The following ITGB6 variants were observed in gnomAD, a reference collection of about 807,000 sequenced individuals.
ITGB6 encodes integrin beta-6.
ITGB6 carries 80 observed loss-of-function variants against 84.5 expected under a neutral mutation model. The ratio of observed to expected loss-of-function variants is 0.95; its 90% CI spans 0.79 to 1.14. The LOEUF (loss-of-function observed/expected upper bound fraction) is 1.14. Among genes scored for constraint, ITGB6 ranks in the 50% most tolerant of loss-of-function variants. ITGB6 has a pLI of 0.00. For synonymous variants in ITGB6, 383 were observed against 354.9 expected (o/e 1.08, Z -0.89); for missense variants, 1,006 against 968.0 (o/e 1.04, Z -0.52).
chr2:160,135,101 G>T (rs1185202528), intron 10 of ITGB6, among the ~76,000 whole-genome samples: 3 of 151,716 alleles, frequency 2.0e-5, no homozygotes, highest in African/African-American at 7.3e-5. Flanking sequence ...ATTAGGAAAA[G>T]AGGAAGTCAA....
chr2:160,184,964 T>C (rs1293760532), intron 4 of ITGB6, among the ~76,000 whole-genome samples: 2 of 152,184 alleles, frequency 1.3e-5, no homozygotes, highest in African/African-American at 4.8e-5. Context: ...AAACTAGGTA[T>C]TGATGGAACG....
intron 7 of ITGB6, 139 bp downstream of exon 7, chr2:160,169,073 T>C (rs751831568): frequency 8.6e-5 from 48 of 557,408 alleles, no homozygotes; most frequent in Non-Finnish European, 1.5e-4. Flanking sequence ...ATGAGTCCAC[T>C]TAGCCAAGCG....
intron 13 of ITGB6, among the ~76,000 whole-genome samples, chr2:160,109,525 G>A (rs1697040398): frequency 6.6e-6 from 1 of 152,210 alleles, no homozygotes; most frequent in Admixed American, 6.5e-5. Context: ...AATGGGTGCG[G>A]TCTGGCAGAG....
chr2:160,131,360 G>C (rs574663035), intron 10 of ITGB6, among the ~76,000 whole-genome samples: 1 of 152,182 alleles, frequency 6.6e-6, no homozygotes, highest in Non-Finnish European at 1.5e-5. Flanking sequence ...GAAAGAAGCT[G>C]TATGAAAAAG....
intron 6 of ITGB6, among the ~76,000 whole-genome samples, chr2:160,171,325 ATTTATTTT>A (rs1685190660): frequency 1.6e-5 from 2 of 126,004 alleles, no homozygotes; most frequent in East Asian, 2.0e-4. Context: ...CAGAAATCAA[ATTTATTTT>A]TTTATTTTTT....
chr2:160,118,941 A>G (rs1421173266), intron 12 of ITGB6, among the ~76,000 whole-genome samples: 3 of 152,208 alleles, frequency 2.0e-5, no homozygotes, highest in Non-Finnish European at 4.4e-5. Flanking sequence ...TAAAATACCT[A>G]GGAATCCAAC....
At chr2:160,155,098 A>G (rs1684574149) in intron 7 of ITGB6, among the ~76,000 whole-genome samples, 1 of 152,166 alleles carries the variant, frequency 6.6e-6, no homozygotes, top group African/African-American at 2.4e-5. Flanking sequence ...AAGTTTCTCA[A>G]GGCCTCCACA....
chr2:160,176,441 T>A (rs1685423961), intron 4 of ITGB6, among the ~76,000 whole-genome samples: 1 of 152,230 alleles, frequency 6.6e-6, no homozygotes, highest in Non-Finnish European at 1.5e-5. Flanking sequence ...AGGTAATTTT[T>A]AAATTTCCTT....
At chr2:160,150,292 G>A (rs574730951) in intron 7 of ITGB6, among the ~76,000 whole-genome samples, 27 of 152,214 alleles carry the variant, frequency 1.8e-4, no homozygotes, top group African/African-American at 6.3e-4. Context: ...AAGAGAGTGG[G>A]GGCCAATATT....
intron 4 of ITGB6, among the ~76,000 whole-genome samples, chr2:160,190,132 C>G (rs1490661406): frequency 6.9e-6 from 1 of 145,486 alleles, no homozygotes; most frequent in Non-Finnish European, 1.5e-5. Context: ...CATGTTCTCA[C>G]TCATGGATGG....
intron 7 of ITGB6, among the ~76,000 whole-genome samples, chr2:160,154,781 G>C (rs1044399596): frequency 2.0e-5 from 3 of 152,148 alleles, no homozygotes; most frequent in Non-Finnish European, 2.9e-5. Flanking sequence ...CAAGCTATGA[G>C]AAGACGGAGA....
chr2:160,137,381 C>T (rs1683782012), intron 10 of ITGB6, 53 bp downstream of exon 10: 1 of 1,534,962 alleles, frequency 6.5e-7, no homozygotes, highest in South Asian at 1.2e-5. Flanking sequence ...ATGCCAAGCC[C>T]CTTGCTGATA....
rs142029705 is a variant in ITGB6 at position 160,112,518 on chromosome 2, A to G, written c.1982-319T>C. ...CTGCCTTGGGAATAGAATGGCCCTG[A>G]TTATGGTAATGAGGGGGCTATAGGT... On this transcript the variant is annotated intron_variant, in intron 12 of 14. Coordinates refer to ENST00000283249, the MANE Select transcript of ITGB6 (RefSeq NM_000888.5). 8.5e-5 allele frequency among the ~76,000 whole-genome samples: 13 copies of G among 152,254 alleles called. No homozygotes were observed. In the East Asian group the frequency reaches 1.7e-3, roughly 20 times the overall value.
chr2:160,120,826 C>G (rs796546025), intron 12 of ITGB6, among the ~76,000 whole-genome samples: 1 of 148,240 alleles, frequency 6.7e-6, no homozygotes, highest in Non-Finnish European at 1.5e-5. Context: ...AAACCAAACA[C>G]CACATGTTCT....
chr2:160,168,927 G>A (rs560086159), intron 7 of ITGB6, among the ~76,000 whole-genome samples: 1 of 152,100 alleles, frequency 6.6e-6, no homozygotes, highest in Admixed American at 6.6e-5. Context: ...CTTTTAGGTA[G>A]GCTGTCCTAT....
intron 14 of ITGB6, among the ~76,000 whole-genome samples, chr2:160,106,589 C>T (rs534910487): frequency 1.5e-4 from 23 of 152,258 alleles, no homozygotes; most frequent in African/African-American, 2.2e-4. Flanking sequence ...GTTCAAATCA[C>T]GATCCAAACA....
At chr2:160,180,648 T>C (rs944269921) in intron 4 of ITGB6, among the ~76,000 whole-genome samples, 2 of 152,244 alleles carry the variant, frequency 1.3e-5, no homozygotes, top group Admixed American at 1.3e-4. Context: ...CCTTCTTCAC[T>C]GTGTTGACAT....
intron 7 of ITGB6, among the ~76,000 whole-genome samples, chr2:160,154,755 G>A (rs1482164049): frequency 6.6e-6 from 1 of 152,064 alleles, no homozygotes; most frequent in Non-Finnish European, 1.5e-5. Context: ...TTCAGAGCTA[G>A]AAAGAAATGA....
At chr2:160,112,032 T>C in intron 13 of ITGB6, 48 bp downstream of exon 13, 1 of 1,584,556 alleles carries the variant, frequency 6.3e-7, no homozygotes. Context: ...CTTTCTCTTC[T>C]CCTGTGTAGT....
Sources: gnomAD v4.1 joint callset for allele counts (sites outside exome capture counted in the v4.1 genomes callset) on GRCh38, gnomAD v4.1.1 for gene constraint, MANE v1.5 for transcripts, NCBI Gene and HGNC (gene_info 2026-07-23, HGNC 2026-07-21) for gene names.